Variants in HS3ST5 observed in about 807,000 individuals in gnomAD.
The protein encoded by HS3ST5 is heparan sulfate-glucosamine 3-sulfotransferase 5, also known as heparan sulfate glucosamine 3-O-sulfotransferase 5.
HS3ST5 carries 10 observed loss-of-function variants against 25.4 expected under a neutral mutation model. That is an observed-to-expected ratio of 0.39 (90% CI 0.24 to 0.67). HS3ST5 has a LOEUF of 0.67. Ranked by LOEUF, HS3ST5 falls within the 30% of genes least tolerant of loss-of-function variation. HS3ST5 has a pLI of 0.44. For missense variants in HS3ST5, 324 were observed against 420.7 expected (o/e 0.77, Z 2.01); for synonymous variants, 170 against 162.4 (o/e 1.05, Z -0.36).
At chr6:114,282,012 G>A (rs1036515938) in intron 1 of HS3ST5, 8 of 151,896 alleles carry the variant, frequency 5.3e-5, no homozygotes, top group African/African-American at 1.9e-4. Context: ...AGTTGAGGTA[G>A]GCGTTTCAAT....
rs372465754 is a variant in HS3ST5 at position 114,203,278 on chromosome 6, T to C, written c.-145+25307A>G. ...AACCTAAGGGACTCCATCTGGCTTC[T>C]AACCTCACAAGCTATCTGCCTTGGT... On this transcript the variant is annotated intron_variant, in intron 2 of 4. Coordinates refer to ENST00000312719, the MANE Select transcript of HS3ST5 (RefSeq NM_153612.4). 7.8e-4 allele frequency among the ~76,000 whole-genome samples: 119 copies of C among 152,330 alleles called. 1 individual carries two copies. The highest frequency in any genetic ancestry group is 3.4e-3 in the Middle Eastern group (1 of 294).
chr6:114,205,651 G>C (rs898653593), intron 2 of HS3ST5, among the ~76,000 whole-genome samples: 2 of 152,114 alleles, frequency 1.3e-5, no homozygotes, highest in African/African-American at 4.8e-5. Flanking sequence ...TCTCTAGTTT[G>C]GTAGTCCTCA....
At chr6:114,267,289 C>G (rs888616652) in intron 1 of HS3ST5, among the ~76,000 whole-genome samples, 1 of 152,160 alleles carries the variant, frequency 6.6e-6, no homozygotes, top group African/African-American at 2.4e-5. Context: ...GATCAATTTC[C>G]ACTGAAGCCG....
At chr6:114,143,689 A>C (rs1251303484) in intron 3 of HS3ST5, 1 of 152,206 alleles carries the variant, frequency 6.6e-6, no homozygotes, top group Non-Finnish European at 1.5e-5. Flanking sequence ...TTGCAGCATA[A>C]GGACAGCTAG....
chr6:114,118,556 C>G (rs2114868857), intron 3 of HS3ST5, among the ~76,000 whole-genome samples: 1 of 152,222 alleles, frequency 6.6e-6, no homozygotes, highest in Admixed American at 6.5e-5. Flanking sequence ...TTTCTCTACT[C>G]AAGAATATAT....
chr6:114,255,670 G>A (rs1257416673), intron 1 of HS3ST5, among the ~76,000 whole-genome samples: 3 of 152,124 alleles, frequency 2.0e-5, no homozygotes, highest in Admixed American at 1.3e-4. Flanking sequence ...CTCAATTCTT[G>A]ACTTCTGTGT....
At chr6:114,215,465 C>A (rs1781710894) in intron 2 of HS3ST5, among the ~76,000 whole-genome samples, 2 of 152,152 alleles carry the variant, frequency 1.3e-5, no homozygotes, top group Non-Finnish European at 2.9e-5. Flanking sequence ...AGGGTGTCAA[C>A]ACTCACCTAC....
intron 3 of HS3ST5, among the ~76,000 whole-genome samples, chr6:114,100,313 C>T (rs1356560077): frequency 6.6e-6 from 1 of 152,126 alleles, no homozygotes; most frequent in Non-Finnish European, 1.5e-5. Context: ...AGGCATCCTA[C>T]CACACCTCGG....
chr6:114,287,883 T>C (rs983392872), intron 1 of HS3ST5, among the ~76,000 whole-genome samples: 1 of 152,044 alleles, frequency 6.6e-6, no homozygotes, highest in African/African-American at 2.4e-5. Context: ...TGTAGTAAGA[T>C]GAGAATGTCC....
At chr6:114,311,025 C>G (rs1393091781) in intron 1 of HS3ST5, among the ~76,000 whole-genome samples, 4 of 151,966 alleles carry the variant, frequency 2.6e-5, no homozygotes, top group African/African-American at 9.7e-5. Flanking sequence ...AACAAAGAAA[C>G]GTAACTACCA....
At chr6:114,162,701 A>C (rs1278840735) in intron 3 of HS3ST5, among the ~76,000 whole-genome samples, 4 of 152,118 alleles carry the variant, frequency 2.6e-5, no homozygotes, top group Non-Finnish European at 5.9e-5. Context: ...TCAGAACAAT[A>C]AATGAATCTG....
intron 1 of HS3ST5, among the ~76,000 whole-genome samples, chr6:114,240,594 G>T (rs527803697): frequency 6.6e-6 from 1 of 152,246 alleles, no homozygotes; most frequent in African/African-American, 2.4e-5. Flanking sequence ...ATGAAAAACT[G>T]CAGTAGATGC....
intron 2 of HS3ST5, among the ~76,000 whole-genome samples, chr6:114,186,361 G>A (rs1341602709): frequency 6.6e-6 from 1 of 152,054 alleles, no homozygotes; most frequent in East Asian, 1.9e-4. Context: ...GTGAACTCAT[G>A]AATAATAAGA....
chr6:114,074,713 C>T (rs183352842), intron 3 of HS3ST5, among the ~76,000 whole-genome samples: 271 of 152,032 alleles, frequency 1.8e-3, no homozygotes, highest in African/African-American at 5.8e-3. Context: ...TAACCTAAAA[C>T]GAAAAGAGTA....
chr6:114,241,132 G>GTTTTT (rs34220294), intron 1 of HS3ST5, among the ~76,000 whole-genome samples: 6 of 117,804 alleles, frequency 5.1e-5, no homozygotes, highest in East Asian at 2.6e-4. Flanking sequence ...AGAAAAATCA[G>GTTTTT]TTTTTTTTTT....
In HS3ST5 at chr6:114,341,222, G is replaced by GAGAGA. The variant is rs1776838943; in HGVS notation, c.-339+972_-339+973insTCTCT. ...AGGGAGAGGGAATAGGGAGAGAGGG[G>GAGAGA]GAGAGAGAGAGAGAGAGAGAGAGAG... On this transcript the variant is annotated intron_variant, in intron 1 of 4. Transcript: ENST00000312719. Among the ~76,000 whole-genome samples, 45 of 46,634 alleles carry GAGAGA rather than the reference G, an allele frequency of 9.6e-4. 3 individuals carry two copies. Among genetic ancestry groups the GAGAGA allele is most frequent in the African/African-American group, 4.7e-3 (38 of 8,028 alleles). 30.6% of individuals were successfully genotyped at this position (46,634 alleles called of 152,430 possible).
chr6:114,199,343 T>A (rs551581051), intron 2 of HS3ST5, among the ~76,000 whole-genome samples: 1 of 152,278 alleles, frequency 6.6e-6, no homozygotes, highest in East Asian at 1.9e-4. Flanking sequence ...TGGAATTAGG[T>A]CCCTGTTTGG....
chr6:114,168,152 A>T (rs1248139531), intron 3 of HS3ST5, among the ~76,000 whole-genome samples, 199 bp downstream of exon 3: 1 of 152,156 alleles, frequency 6.6e-6, no homozygotes, highest in African/African-American at 2.4e-5. Flanking sequence ...TGTGGGCAAT[A>T]CTGAGGCAGG....
At chr6:114,288,288 G>A (rs1774425146) in intron 1 of HS3ST5, among the ~76,000 whole-genome samples, 1 of 151,910 alleles carries the variant, frequency 6.6e-6, no homozygotes, top group African/African-American at 2.4e-5. Context: ...ATTATTGAAT[G>A]GCAAAATTCA....
Sources: gnomAD v4.1 joint callset for allele counts (sites outside exome capture counted in the v4.1 genomes callset) on GRCh38, gnomAD v4.1.1 for gene constraint, MANE v1.5 for transcripts, NCBI Gene and HGNC (gene_info 2026-07-23, HGNC 2026-07-21) for gene names.